The following SEC23A variants were observed in gnomAD, a reference collection of about 807,000 sequenced individuals.
The protein encoded by SEC23A is SEC23 homolog A, COPII component.
Under a neutral mutation model 103.7 loss-of-function variants are expected in SEC23A, and 56 were observed. The ratio of observed to expected loss-of-function variants is 0.54; its 90% CI spans 0.44 to 0.67. The LOEUF (loss-of-function observed/expected upper bound fraction) is 0.67, where lower values mean the gene tolerates loss of function less well. Ranked by LOEUF, SEC23A falls within the 30% of genes least tolerant of loss-of-function variation. The probability of loss-of-function intolerance (pLI) is 0.00; values close to 1 mark genes in which losing one functional copy is unlikely to be tolerated. For synonymous variants in SEC23A, 281 were observed against 293.0 expected (o/e 0.96, Z 0.42); for missense variants, 784 against 936.4 (o/e 0.84, Z 2.12).
intron 5 of SEC23A, chr14:39,088,808 G>A (rs1255173992): frequency 5.9e-5 from 9 of 152,200 alleles, no homozygotes; most frequent in Non-Finnish European, 8.8e-5. Flanking sequence ...GCTGAGGCAG[G>A]GGGATCACCT....
At chr14:39,086,046 T>C (rs1887432690) in intron 6 of SEC23A, 140 bp from the exon 7 acceptor site, 1 of 760,932 alleles carries the variant, frequency 1.3e-6, no homozygotes, top group Admixed American at 2.0e-5. Flanking sequence ...TTCGTGTATA[T>C]GAGAACCAGC....
intron 1 of SEC23A, among the ~76,000 whole-genome samples, chr14:39,102,053 G>GT (rs1888117120): frequency 6.6e-6 from 1 of 152,080 alleles, no homozygotes; most frequent in Non-Finnish European, 1.5e-5. Flanking sequence ...CCAACATGGT[G>GT]AAACCCCGTC....
chr14:39,053,981 T>A lies in SEC23A; in HGVS notation c.1659+1162A>T, dbSNP rs147097133. ...GACCCAGTCTCAACAAAATTTTTTT[T>A]AAATTAGCCAGGTATGGTGATGGTG... On this transcript the variant is annotated intron_variant, in intron 14 of 19. Transcript: ENST00000307712. 1.8e-4 allele frequency among the ~76,000 whole-genome samples: 28 copies of A among 152,164 alleles called. No homozygotes were observed. In the East Asian group the frequency reaches 4.6e-3, roughly 25 times the overall value.
At chr14:39,067,123 A>C (rs375704861) in intron 10 of SEC23A, 50 bp downstream of exon 10, 1 of 1,606,572 alleles carries the variant, frequency 6.2e-7, no homozygotes, top group Non-Finnish European at 8.5e-7. Context: ...ACTCAAGCCT[A>C]TAAGTTGTCT....
chr14:39,035,833 G>T (rs762477183), intron 19 of SEC23A, among the ~76,000 whole-genome samples: 14 of 152,152 alleles, frequency 9.2e-5, no homozygotes, highest in Non-Finnish European at 1.3e-4. Context: ...ATAAAAAATG[G>T]AGGCGGGAAA....
chr14:39,096,696 T>C (rs921479432), intron 1 of SEC23A, among the ~76,000 whole-genome samples: 1 of 152,176 alleles, frequency 6.6e-6, no homozygotes, highest in African/African-American at 2.4e-5. Flanking sequence ...AAAAATAGTG[T>C]CTTATTTCTT....
intron 1 of SEC23A, among the ~76,000 whole-genome samples, chr14:39,101,986 C>G (rs995553181): frequency 2.6e-4 from 40 of 152,200 alleles, no homozygotes; most frequent in Non-Finnish European, 5.6e-4. Flanking sequence ...GATCCCAGCA[C>G]TTTGGGAGGC....
At chr14:39,096,512 A>C (rs572741216) in intron 1 of SEC23A, among the ~76,000 whole-genome samples, 84 of 150,758 alleles carry the variant, frequency 5.6e-4, no homozygotes, top group Admixed American at 1.7e-3. Flanking sequence ...CCTGGGCAAC[A>C]AGAGCAAAAC....
At chr14:39,085,735 A>G (rs1024915005) in intron 7 of SEC23A, 27 bp downstream of exon 7, 1 of 1,521,880 alleles carries the variant, frequency 6.6e-7, no homozygotes, top group Admixed American at 1.7e-5. Context: ...CACACTTTAC[A>G]TTCCAAAACA....
chr14:39,099,072 TCACTTCA>T (rs753165827), intron 1 of SEC23A, among the ~76,000 whole-genome samples: 1 of 151,550 alleles, frequency 6.6e-6, no homozygotes, highest in Non-Finnish European at 1.5e-5. Context: ...AGTAAACCTA[TCACTTCA>T]TAGAAAACAA....
At chr14:39,048,131 T>C (rs767187844) in intron 15 of SEC23A, among the ~76,000 whole-genome samples, 2 of 152,192 alleles carry the variant, frequency 1.3e-5, no homozygotes, top group African/African-American at 2.4e-5. Context: ...AATAAGTCTC[T>C]ATTCACCACA....
At chr14:39,045,895 T>C (rs1885815878) in intron 15 of SEC23A, among the ~76,000 whole-genome samples, 2 of 99,550 alleles carry the variant, frequency 2.0e-5, no homozygotes, top group African/African-American at 4.0e-5. Context: ...ATGGCTGATA[T>C]GATTTGGCTA....
At position 39,064,964 on chromosome 14, in the gene SEC23A, A is replaced by C; in HGVS notation, c.1257T>G (p.Ala419=). ...KTSREIKISG[A]IGPCVSLNSK... is the part of the protein sequence containing the mutation. Reference sequence around the variant, plus strand: ...AATTGAGTGACACACAGGGTCCAATAGCTCCTGAAATCTTTATTTCCCTTG... The same window carrying C: ...AATTGAGTGACACACAGGGTCCAATCGCTCCTGAAATCTTTATTTCCCTTG... Residue 419 remains alanine, a synonymous_variant, in exon 11 of 20, where the codon GCT becomes GCG. Coordinates refer to ENST00000307712, the MANE Select transcript of SEC23A (RefSeq NM_006364.4). 6.2e-7 allele frequency: 1 copy of C among 1,613,250 alleles called. No homozygotes were observed.
chr14:39,085,812 G>T lies in SEC23A; in HGVS notation c.778C>A (p.Pro260Thr). 1 of 1,613,522 alleles carries T rather than the reference G, an allele frequency of 6.2e-7. No individual in the cohort carries two copies. Among genetic ancestry groups the T allele is most frequent in the Non-Finnish European group, 8.5e-7 (1 of 1,179,922 alleles). Reference protein sequence around the residue: ...DPWPVPQGKRPLRSSGVALSI... With the variant: ...DPWPVPQGKRTLRSSGVALSI... ...AGTGCCACCCCAGAGGAACGCAAAG[G>T]TCTCTTTCCCTGTGGTACAGGCCAA... The change falls in exon 7 of 20, where the codon CCT (proline) becomes ACT (threonine). Residue 260 changes from proline to threonine, a missense_variant. Physicochemically the swap from Pro to Thr is conservative, Grantham distance 38. Transcript: ENST00000307712.
rs185581890 is a variant in SEC23A at position 39,066,217 on chromosome 14, T to C, written c.1227+956A>G. Among the ~76,000 whole-genome samples, 41 of 152,168 alleles carry C rather than the reference T, an allele frequency of 2.7e-4. 1 individual carries two copies. The highest frequency in any genetic ancestry group is 6.8e-3 in the Middle Eastern group (2 of 294). The stretch of plus-strand genomic sequence containing the variant: ...GTTTCTCTATAGCAAGACGTGTACC[T>C]TAGATATCCCTAGGCATCTCTGTAA... On this transcript the variant is annotated intron_variant, in intron 10 of 19. Transcript: ENST00000307712.
chr14:39,046,298 G>A (rs8007028), intron 15 of SEC23A, among the ~76,000 whole-genome samples: 41,557 of 151,804 alleles, frequency 0.27, 6,668 homozygotes, highest in Non-Finnish European at 0.35. Flanking sequence ...GTGAAACCCC[G>A]TCTCTACTAA....
intron 14 of SEC23A, among the ~76,000 whole-genome samples, chr14:39,049,030 A>T (rs1270886560): frequency 1.3e-5 from 2 of 152,102 alleles, no homozygotes; most frequent in Non-Finnish European, 2.9e-5. Flanking sequence ...ACAACAAAAA[A>T]GCTCAACACG....
chr14:39,100,376 T>C (rs1287540384), intron 1 of SEC23A, among the ~76,000 whole-genome samples: 2 of 151,688 alleles, frequency 1.3e-5, no homozygotes, highest in Non-Finnish European at 2.9e-5. Flanking sequence ...TGTCCGACAA[T>C]GGCATATCTG....
intron 17 of SEC23A, 23 bp from the exon 18 acceptor site, chr14:39,040,910 A>G (rs1254981483): frequency 6.3e-7 from 1 of 1,582,848 alleles, no homozygotes; most frequent in African/African-American, 1.4e-5. Flanking sequence ...CAATTAAAGA[A>G]ATTACTTTAA....
Sources: gnomAD v4.1 joint callset for allele counts (sites outside exome capture counted in the v4.1 genomes callset) on GRCh38, gnomAD v4.1.1 for gene constraint, MANE v1.5 for transcripts, NCBI Gene and HGNC (gene_info 2026-07-23, HGNC 2026-07-21) for gene names.